Variants in NARF observed in about 807,000 individuals in gnomAD.
The protein encoded by NARF is nuclear prelamin A recognition factor.
Under a neutral mutation model 48.0 loss-of-function variants are expected in NARF, and 41 were observed. The observed-to-expected ratio is 0.85, with a 90% CI of 0.66 to 1.11. The LOEUF (loss-of-function observed/expected upper bound fraction) is 1.11, where lower values mean the gene tolerates loss of function less well. Among genes scored for constraint, NARF ranks in the 50% least tolerant of loss-of-function variants. The pLI is 0.00. For synonymous variants in NARF, 215 were observed against 225.5 expected (o/e 0.95, Z 0.42); for missense variants, 613 against 590.2 (o/e 1.04, Z -0.40).
intron 7 of NARF, 48 bp from the exon 8 acceptor site, chr17:82,483,668 C>A: frequency 1.3e-6 from 2 of 1,585,110 alleles, no homozygotes; most frequent in South Asian, 1.1e-5. Flanking sequence ...AAGAAAAGTT[C>A]CTGTGGCCAC....
At chr17:82,480,972 A>C in intron 6 of NARF, 110 bp from the exon 7 acceptor site, 5 of 1,100,426 alleles carry the variant, frequency 4.5e-6, no homozygotes, top group Non-Finnish European at 5.3e-6. Flanking sequence ...CAGTGTCTGG[A>C]GGGCAGCAGC....
intron 1 of NARF, 137 bp downstream of exon 1, chr17:82,458,967 C>G: frequency 8.2e-7 from 1 of 1,219,708 alleles, no homozygotes; most frequent in Non-Finnish European, 1.0e-6. Flanking sequence ...GCACCCTGGG[C>G]CCGCTCGGCG....
intron 2 of NARF, 87 bp downstream of exon 2, chr17:82,460,159 C>G: frequency 1.7e-6 from 2 of 1,173,332 alleles, no homozygotes; most frequent in South Asian, 2.6e-5. Flanking sequence ...CCGTGCACAT[C>G]ACTGCTTTAA....
chr17:82,478,578 C>T (rs1438300722), intron 5 of NARF: 1 of 638,708 alleles, frequency 1.6e-6, no homozygotes, highest in Non-Finnish European at 2.9e-6. Context: ...CAGGGATGCT[C>T]CCATTTCCCA....
chr17:82,464,338 C>T lies in NARF; in HGVS notation c.160C>T (p.Leu54=). 1 of 1,614,012 alleles carries T rather than the reference C, an allele frequency of 6.2e-7. No individual in the cohort carries two copies. The highest frequency in any genetic ancestry group is 8.5e-7 in the Non-Finnish European group (1 of 1,179,960). The change falls in exon 3 of 11, where the codon CTG becomes TTG. Residue 54 remains leucine (L), a synonymous_variant. Transcript: ENST00000309794. ...ADAKIFLSDC[L]ACDSCMTAEE... is the part of the protein sequence containing the mutation. ...TGCCAAGATATTTTTGAGCGACTGC[C>T]TGGCATGTGACAGCTGTATGACTGC... is the stretch of plus-strand genomic sequence containing the variant.
chr17:82,458,580 A>G (rs1252569082), upstream of NARF: 3 of 518,032 alleles, frequency 5.8e-6, no homozygotes, highest in South Asian at 5.6e-5. Context: ...CCCCTTCCCG[A>G]CACTGTCATT....
intron 1 of NARF, chr17:82,459,290 G>GCGCAGCGCA (rs1355251770): frequency 1.7e-6 from 1 of 601,804 alleles, no homozygotes. Flanking sequence ...GGCAACAACC[G>GCGCAGCGCA]CGCAGCGCAC....
intron 1 of NARF, 195 bp downstream of exon 1, chr17:82,459,025 G>A (rs1028834878): frequency 8.3e-7 from 1 of 1,208,686 alleles, no homozygotes; most frequent in African/African-American, 1.6e-5. Flanking sequence ...GGCGGGTTCG[G>A]TCTTCGCGGT....
chr17:82,464,273 G>A lies in NARF; in HGVS notation c.109-14G>A, dbSNP rs777653170. The A allele has an allele frequency of 6.8e-6, 11 of 1,611,204 alleles. No homozygotes were observed. The highest frequency in any genetic ancestry group is 2.7e-5 in the African/African-American group (2 of 74,780). On this transcript the variant is annotated splice_polypyrimidine_tract_variant and intron_variant, in intron 2 of 10. Transcript: ENST00000309794. ...ATTTGTTGAATAATCATGCTGAAACGTCATCTTTCATAGAAGGGAGAATTC... is the reference window on the plus strand; with the variant it reads ...ATTTGTTGAATAATCATGCTGAAACATCATCTTTCATAGAAGGGAGAATTC...
chr17:82,465,303 A>G (rs988882296), intron 3 of NARF, among the ~76,000 whole-genome samples: 5 of 152,206 alleles, frequency 3.3e-5, no homozygotes, highest in African/African-American at 4.8e-5. Context: ...GAGCCAAACC[A>G]TATCACAGGT....
chr17:82,469,449 T>C (rs2043646972), intron 4 of NARF, among the ~76,000 whole-genome samples: 1 of 152,212 alleles, frequency 6.6e-6, no homozygotes, highest in Admixed American at 6.5e-5. Flanking sequence ...TTCTGCGTCT[T>C]CTGCTTTGGT....
intron 5 of NARF, among the ~76,000 whole-genome samples, chr17:82,475,942 A>G (rs993750022): frequency 6.6e-6 from 1 of 152,214 alleles, no homozygotes; most frequent in Non-Finnish European, 1.5e-5. Flanking sequence ...ATTAAAAGAT[A>G]AAAAGTATAA....
intron 2 of NARF, 60 bp from the exon 3 acceptor site, chr17:82,464,227 T>C (rs2043506532): frequency 1.3e-6 from 2 of 1,579,264 alleles, no homozygotes; most frequent in East Asian, 2.2e-5. Flanking sequence ...TTACCCTCTC[T>C]AAAGAAGCAC....
intron 1 of NARF, among the ~76,000 whole-genome samples, chr17:82,459,611 T>C (rs912764644): frequency 6.6e-6 from 1 of 152,248 alleles, no homozygotes; most frequent in Admixed American, 6.5e-5. Flanking sequence ...AAGCCTGTTA[T>C]CCCAGCACCT....
intron 8 of NARF, 71 bp from the exon 9 acceptor site, chr17:82,484,742 G>T: frequency 6.7e-7 from 1 of 1,496,742 alleles, no homozygotes; most frequent in Non-Finnish European, 8.9e-7. Flanking sequence ...CCCTCAGGAA[G>T]TCTGGTTTCA....
chr17:82,482,664 C>G (rs1376733672), intron 7 of NARF: 1 of 152,648 alleles, frequency 6.6e-6, no homozygotes, highest in South Asian at 2.0e-4. Flanking sequence ...GCAGAATAAA[C>G]AATTGTCATA....
In NARF at chr17:82,471,161, G is replaced by A. The variant is rs7213659; in HGVS notation, c.386-1403G>A. ...CCTGGGTGACAGAGCATGACTGTCT[G>A]AAAAAAAAAAAAGGCTGGGCATGTT... On this transcript the variant is annotated intron_variant, in intron 4 of 10. Coordinates refer to ENST00000309794, the MANE Select transcript of NARF (RefSeq NM_012336.4). Among the ~76,000 whole-genome samples the A allele has an allele frequency of 9.2e-4, 127 of 138,274 alleles. 1 individual carries two copies. Among genetic ancestry groups the A allele is most frequent in the Admixed American group, 4.1e-3 (57 of 14,042 alleles). 90.7% of individuals were successfully genotyped at this position (138,274 alleles called of 152,430 possible). A position where few individuals can be genotyped will look rare whatever the true frequency, so the allele number is the denominator to read the frequency against.
At chr17:82,471,854 C>T (rs2043718186) in intron 4 of NARF, among the ~76,000 whole-genome samples, 1 of 148,332 alleles carries the variant, frequency 6.7e-6, no homozygotes, top group Admixed American at 6.8e-5. Context: ...TACTTTTAAA[C>T]ACATCAAGAA....
chr17:82,478,832 C>T lies in NARF; in HGVS notation c.553C>T (p.Arg185Cys), dbSNP rs368848299. 7.4e-6 allele frequency: 12 copies of T among 1,613,852 alleles called. No homozygotes were observed. Among genetic ancestry groups the T allele is most frequent in the Non-Finnish European group, 1.0e-5 (12 of 1,180,004 alleles). ...WVRYAERVLG[R>C]PITAHLCTAK... ...CCGATACGCCGAGCGGGTGCTGGGT[C>T]GCCCCATCACTGCCCACCTCTGCAC... is the stretch of plus-strand genomic sequence containing the variant. The change falls in exon 6 of 11, where the codon CGC (arginine) becomes TGC (cysteine). Residue 185 changes from arginine (R) to cysteine (C), a missense_variant. Arg to Cys is a radical substitution (Grantham distance 180). Coordinates refer to ENST00000309794, the MANE Select transcript of NARF (RefSeq NM_012336.4).
Sources: allele counts gnomAD v4.1 joint callset (sites outside exome capture counted in the v4.1 genomes callset), GRCh38; gene constraint gnomAD v4.1.1; transcripts MANE v1.5; gene names NCBI Gene and HGNC (gene_info 2026-07-23, HGNC 2026-07-21).